Variants in SLIT3 observed in about 807,000 individuals in gnomAD.
SLIT3 encodes slit homolog 3 protein.
In SLIT3, 68 loss-of-function variants were observed where a neutral mutation model predicts 184.0. The observed-to-expected ratio is 0.37, with a 90% CI of 0.30 to 0.45. The LOEUF (loss-of-function observed/expected upper bound fraction) is 0.45. Among genes scored for constraint, SLIT3 ranks in the 20% least tolerant of loss-of-function variants. SLIT3 has a pLI of 1.00. For synonymous variants in SLIT3, 831 were observed against 828.6 expected, an observed-to-expected ratio of 1.00 and a Z score of -0.05; for missense variants, 1,707 against 2,026.0, an observed-to-expected ratio of 0.84 and a Z score of 3.02.
At chr5:168,738,647 G>A (rs1453011474) in intron 20 of SLIT3, among the ~76,000 whole-genome samples, 1 of 152,066 alleles carries the variant, frequency 6.6e-6, no homozygotes, top group South Asian at 2.1e-4. Context: ...TTTAAAAAAA[G>A]CAACTCACAG....
chr5:169,265,403 C>G (rs142827660), intron 1 of SLIT3, among the ~76,000 whole-genome samples: 105 of 152,314 alleles, frequency 6.9e-4, no homozygotes, highest in African/African-American at 1.3e-3. Flanking sequence ...TAGTGGCCAT[C>G]ATAAGCTGGT....
chr5:168,845,789 C>T (rs1323247430), intron 5 of SLIT3, among the ~76,000 whole-genome samples: 2 of 152,156 alleles, frequency 1.3e-5, no homozygotes, highest in African/African-American at 4.8e-5. Context: ...GTTATTGACA[C>T]CAGATTGTTG....
intron 1 of SLIT3, among the ~76,000 whole-genome samples, chr5:169,292,530 G>A (rs1384448143): frequency 2.0e-5 from 3 of 152,014 alleles, no homozygotes; most frequent in East Asian, 1.9e-4. Context: ...CATCCCAGCC[G>A]GAAAGAACGG....
intron 20 of SLIT3, 103 bp from the exon 21 acceptor site, chr5:168,724,587 C>G: frequency 1.3e-6 from 1 of 756,272 alleles, no homozygotes; most frequent in Non-Finnish European, 2.1e-6. Flanking sequence ...TTAGGTCCCT[C>G]TTTTACTCTT....
chr5:169,260,589 G>T (rs771316651), intron 1 of SLIT3, among the ~76,000 whole-genome samples: 3 of 152,116 alleles, frequency 2.0e-5, no homozygotes, highest in Admixed American at 6.5e-5. Context: ...TTGCTCCATT[G>T]CTTCTATGGT....
intron 4 of SLIT3, among the ~76,000 whole-genome samples, chr5:169,159,668 C>T (rs760983764): frequency 2.0e-5 from 3 of 151,970 alleles, no homozygotes; most frequent in Non-Finnish European, 2.9e-5. Flanking sequence ...CCCAGCTACT[C>T]GGGAGGCTGA....
intron 5 of SLIT3, among the ~76,000 whole-genome samples, chr5:168,882,226 G>A (rs1304925882): frequency 6.6e-6 from 1 of 152,108 alleles, no homozygotes; most frequent in Non-Finnish European, 1.5e-5. Flanking sequence ...CTGCAGAGAA[G>A]GCTGCTGGGC....
intron 6 of SLIT3, among the ~76,000 whole-genome samples, chr5:168,834,932 C>T (rs979237744): frequency 2.6e-5 from 4 of 151,988 alleles, no homozygotes; most frequent in African/African-American, 7.3e-5. Flanking sequence ...CAGCTTGCAC[C>T]GTCCAATAAG....
At chr5:168,943,677 G>A (rs1762388704) in intron 4 of SLIT3, among the ~76,000 whole-genome samples, 1 of 152,156 alleles carries the variant, frequency 6.6e-6, no homozygotes, top group Non-Finnish European at 1.5e-5. Flanking sequence ...GCAAGTGCAA[G>A]GTATTATATG....
At chr5:168,955,822 T>G (rs1762808190) in intron 4 of SLIT3, among the ~76,000 whole-genome samples, 1 of 152,180 alleles carries the variant, frequency 6.6e-6, no homozygotes. Flanking sequence ...TGAGTCTGTT[T>G]AAATTTTGCA....
At chr5:169,131,077 G>A (rs1259099737) in intron 4 of SLIT3, among the ~76,000 whole-genome samples, 1 of 152,204 alleles carries the variant, frequency 6.6e-6, no homozygotes, top group East Asian at 1.9e-4. Flanking sequence ...TAGGAGCAAA[G>A]ACCCTCTGGG....
chr5:169,113,819 C>A (rs1025666754), intron 4 of SLIT3, among the ~76,000 whole-genome samples: 1 of 152,042 alleles, frequency 6.6e-6, no homozygotes, highest in Non-Finnish European at 1.5e-5. Context: ...TCATGCCCAG[C>A]TAATTTTTGT....
At chr5:169,037,860 T>C (rs1757310406) in intron 4 of SLIT3, 1 of 152,270 alleles carries the variant, frequency 6.6e-6, no homozygotes, top group South Asian at 2.1e-4. Context: ...GCCACTGATG[T>C]GGCGCACTGG....
chr5:168,984,063 AT>A (rs111453452), intron 4 of SLIT3, among the ~76,000 whole-genome samples: 13,366 of 147,162 alleles, frequency 0.091, 874 homozygotes, highest in African/African-American at 0.18. Context: ...ATATATATAT[AT>A]TTTTTTTAAT....
chr5:168,666,355 G>GCTTCATTTCCTT lies in SLIT3; in HGVS notation c.*87_*98dup. 1 of 1,181,200 alleles carries GCTTCATTTCCTT rather than the reference G, an allele frequency of 8.5e-7. No individual in the cohort carries two copies. The highest frequency in any genetic ancestry group is 1.5e-5 in the African/African-American group (1 of 65,164). 73.2% of individuals were successfully genotyped at this position (1,181,200 alleles called of 1,614,324 possible). A position where few individuals can be genotyped will look rare whatever the true frequency, so the allele number is the denominator to read the frequency against. ...CTCTTCTTCTTTACCTTCCTCTCCAGCTTCATTTCCTTCATGCTGAATCAC... is the reference window on the plus strand; with the variant it reads ...CTCTTCTTCTTTACCTTCCTCTCCAGCTTCATTTCCTTCTTCATTTCCTTCATGCTGAATCAC... On this transcript the variant is annotated 3_prime_UTR_variant, in exon 36 of 36. Transcript: ENST00000519560.
At chr5:169,117,767 T>A (rs1388004090) in intron 4 of SLIT3, among the ~76,000 whole-genome samples, 1 of 152,210 alleles carries the variant, frequency 6.6e-6, no homozygotes, top group Non-Finnish European at 1.5e-5. Flanking sequence ...AAAGGAGAAC[T>A]CTGTTTCTCC....
intron 4 of SLIT3, among the ~76,000 whole-genome samples, chr5:169,144,975 G>A (rs1249697395): frequency 6.6e-6 from 1 of 152,154 alleles, no homozygotes; most frequent in Non-Finnish European, 1.5e-5. Flanking sequence ...TTAACCATGG[G>A]CTTTTTGTCT....
intron 4 of SLIT3, among the ~76,000 whole-genome samples, chr5:169,111,155 C>G (rs892783935): frequency 1.3e-5 from 2 of 152,174 alleles, no homozygotes; most frequent in African/African-American, 4.8e-5. Flanking sequence ...CACACTCTAT[C>G]CTGAGCATCC....
intron 4 of SLIT3, among the ~76,000 whole-genome samples, chr5:168,986,171 T>C (rs1375258854): frequency 1.3e-5 from 2 of 152,230 alleles, no homozygotes; most frequent in African/African-American, 4.8e-5. Context: ...TGTCTTTTCT[T>C]ACGTCTGGTT....
Sources: allele counts gnomAD v4.1 joint callset (sites outside exome capture counted in the v4.1 genomes callset), GRCh38; gene constraint gnomAD v4.1.1; transcripts MANE v1.5; gene names NCBI Gene and HGNC (gene_info 2026-07-23, HGNC 2026-07-21).